The following PDE1C variants were observed in gnomAD, a reference collection of about 807,000 sequenced individuals.
The protein encoded by PDE1C is phosphodiesterase 1C.
In PDE1C, 62 loss-of-function variants were observed where a neutral mutation model predicts 93.1. The observed-to-expected ratio is 0.67, with a 90% confidence interval of 0.54 to 0.82. The LOEUF is 0.82. Among genes scored for constraint, PDE1C ranks in the 40% least tolerant of loss-of-function variants. The pLI, the probability that PDE1C is intolerant of heterozygous loss-of-function variation, is 0.00. For missense variants in PDE1C, 742 were observed against 884.6 expected (o/e 0.84, Z 2.04); for synonymous variants, 325 against 310.1 (o/e 1.05, Z -0.50).
At chr7:31,963,397 G>A (rs1216545039) in intron 2 of PDE1C, among the ~76,000 whole-genome samples, 1 of 152,152 alleles carries the variant, frequency 6.6e-6, no homozygotes, top group Non-Finnish European at 1.5e-5. Context: ...AAAAAATGAA[G>A]TCTTCCCACT....
the PDE1C span, among the ~76,000 whole-genome samples, chr7:31,644,176 T>G: frequency 3.3e-5 from 5 of 152,196 alleles, no homozygotes; most frequent in African/African-American, 1.2e-4. Context: ...CAAAGCAAAT[T>G]TTATCATTAA....
chr7:31,660,328 CTTTA>C, the PDE1C span, among the ~76,000 whole-genome samples: 13 of 152,192 alleles, frequency 8.5e-5, no homozygotes, highest in East Asian at 2.5e-3. Context: ...TGGGGATTTC[CTTTA>C]TTTATGATCA....
intron 2 of PDE1C, among the ~76,000 whole-genome samples, chr7:32,206,670 C>T (rs1268699558): frequency 6.6e-6 from 1 of 152,174 alleles, no homozygotes; most frequent in Admixed American, 6.5e-5. Context: ...TTCCATGCGG[C>T]ACCCATGTGA....
chr7:31,641,991 T>C, the PDE1C span, among the ~76,000 whole-genome samples: 1 of 152,178 alleles, frequency 6.6e-6, no homozygotes, highest in African/African-American at 2.4e-5. Flanking sequence ...AGTGATGCAA[T>C]TTTAACTGAA....
chr7:31,861,559 G>A (rs1434298370), intron 7 of PDE1C, among the ~76,000 whole-genome samples: 2 of 151,844 alleles, frequency 1.3e-5, no homozygotes, highest in East Asian at 3.9e-4. Flanking sequence ...TCCAAAACTT[G>A]GTTTGCCACC....
chr7:31,703,278 A>T, the PDE1C span, among the ~76,000 whole-genome samples: 2 of 152,182 alleles, frequency 1.3e-5, no homozygotes, highest in Non-Finnish European at 1.5e-5. Context: ...ACAGCATTTT[A>T]CTTCTCTGTA....
intron 14 of PDE1C, among the ~76,000 whole-genome samples, chr7:31,817,045 CA>C (rs2128725378): frequency 6.6e-6 from 1 of 152,242 alleles, no homozygotes; most frequent in Admixed American, 6.5e-5. Flanking sequence ...ACGAGGAATA[CA>C]GCAGCAAGCA....
chr7:31,859,137 T>C (rs71530563), intron 7 of PDE1C, among the ~76,000 whole-genome samples: 36,513 of 148,610 alleles, frequency 0.25, 5,010 homozygotes, highest in Non-Finnish European at 0.31. Context: ...ATATACTATA[T>C]ATATAGACTA....
chr7:31,662,186 T>A, the PDE1C span, among the ~76,000 whole-genome samples: 1 of 152,234 alleles, frequency 6.6e-6, no homozygotes, highest in African/African-American at 2.4e-5. Context: ...GAAGGGAATA[T>A]GGTCCTGCTG....
intron 2 of PDE1C, among the ~76,000 whole-genome samples, chr7:31,955,809 C>T (rs572265618): frequency 2.4e-4 from 37 of 152,304 alleles, no homozygotes; most frequent in Admixed American, 6.5e-4. Context: ...ACAAGAGTCC[C>T]GCCTGCCAGT....
rs149466975 is a variant in PDE1C at position 32,205,458 on chromosome 7, A to G, written c.136+4031T>C. ...TGGCTAAAGGTTTGTAAATGCACCA[A>G]TCAGCACTCTGTAAAAACGGACCAA... On this transcript the variant is annotated intron_variant, in intron 2 of 18. Transcript: ENST00000396193. Among the ~76,000 whole-genome samples the G allele has an allele frequency of 1.1e-4, 17 of 152,318 alleles. No individual in the cohort carries two copies. The East Asian group carries it at 3.3e-3, about 29-fold the overall frequency.
rs1794182780 is a variant in PDE1C at position 31,752,390 on chromosome 7, C to G, written c.*994G>C. 6.6e-6 allele frequency: 1 copy of G among 152,112 alleles called. No individual in the cohort carries two copies. 9.4% of individuals were successfully genotyped at this position (152,112 alleles called of 1,614,324 possible). ...CAACAACTGTGAGAACAATCAGGATCTCAAGGGCTTTAGATATGTAGCGTG... is the reference window on the plus strand; with the variant it reads ...CAACAACTGTGAGAACAATCAGGATGTCAAGGGCTTTAGATATGTAGCGTG... On this transcript the variant is annotated 3_prime_UTR_variant, in exon 18 of 18. Coordinates refer to ENST00000396191, the MANE Select transcript of PDE1C (RefSeq NM_001191057.4).
At chr7:31,650,313 G>A in the PDE1C span, among the ~76,000 whole-genome samples, 1 of 152,188 alleles carries the variant, frequency 6.6e-6, no homozygotes, top group Admixed American at 6.6e-5. Flanking sequence ...TGGGGGATGG[G>A]GAGGTTAAGG....
At chr7:31,677,051 C>T in the PDE1C span, among the ~76,000 whole-genome samples, 5 of 151,908 alleles carry the variant, frequency 3.3e-5, no homozygotes, top group Admixed American at 1.3e-4. Context: ...AATTTGAAAA[C>T]GTAAATTGAA....
intron 2 of PDE1C, among the ~76,000 whole-genome samples, chr7:31,969,313 T>C (rs1240672023): frequency 1.3e-5 from 2 of 151,846 alleles, no homozygotes; most frequent in Non-Finnish European, 2.9e-5. Flanking sequence ...CAAACAACCC[T>C]ATCAAAAAAT....
intron 2 of PDE1C, among the ~76,000 whole-genome samples, chr7:32,187,494 T>G (rs749991741): frequency 3.3e-5 from 5 of 152,222 alleles, no homozygotes; most frequent in Admixed American, 2.6e-4. Context: ...ATTGTTATTT[T>G]AATATTAAGA....
intron 1 of PDE1C, among the ~76,000 whole-genome samples, chr7:32,307,745 G>A (rs573305033): frequency 2.0e-4 from 30 of 152,274 alleles, no homozygotes; most frequent in South Asian, 4.2e-4. Context: ...AAGCGGGCCC[G>A]AGGTGGAGCC....
intron 3 of PDE1C, among the ~76,000 whole-genome samples, chr7:32,114,855 A>G (rs1158826622): frequency 1.3e-5 from 2 of 152,222 alleles, no homozygotes; most frequent in African/African-American, 4.8e-5. Flanking sequence ...GCCAACAAAC[A>G]TGAAACAAAG....
At chr7:32,304,235 T>A (rs1812943926), upstream of PDE1C, among the ~76,000 whole-genome samples, 1 of 152,188 alleles carries the variant, frequency 6.6e-6, no homozygotes, top group Non-Finnish European at 1.5e-5. Context: ...TGTGTCCCCA[T>A]CATAAAATCA....
Sources: allele counts gnomAD v4.1 joint callset (sites outside exome capture counted in the v4.1 genomes callset), GRCh38; gene constraint gnomAD v4.1.1; transcripts MANE v1.5; gene names NCBI Gene and HGNC (gene_info 2026-07-23, HGNC 2026-07-21).